Variants in NWD2 observed in about 807,000 individuals in gnomAD.
NWD2 encodes NACHT and WD repeat domain-containing protein 2.
Under a neutral mutation model 132.7 loss-of-function variants are expected in NWD2, and 37 were observed. That is an observed-to-expected ratio of 0.28 (90% CI 0.21 to 0.37). The LOEUF (loss-of-function observed/expected upper bound fraction) is 0.37, where lower values mean the gene tolerates loss of function less well. Among genes scored for constraint, NWD2 ranks in the 10% least tolerant of loss-of-function variants. The pLI is 1.00. For missense variants in NWD2, 1,592 were observed against 2,122.4 expected (o/e 0.75, Z 4.91); for synonymous variants, 705 against 803.0 (o/e 0.88, Z 2.06).
chr4:37,367,085 T>C (rs1330569304), intron 3 of NWD2, among the ~76,000 whole-genome samples: 1 of 152,142 alleles, frequency 6.6e-6, no homozygotes, highest in Non-Finnish European at 1.5e-5. Flanking sequence ...ATATGATGGG[T>C]AACAACACAA....
intron 1 of NWD2, among the ~76,000 whole-genome samples, chr4:37,292,924 G>A (rs904034860): frequency 1.3e-5 from 2 of 152,190 alleles, no homozygotes; most frequent in African/African-American, 4.8e-5. Flanking sequence ...CTCACCTCCT[G>A]CTGTGCAGCC....
chr4:37,404,440 G>A (rs899136286), intron 3 of NWD2, among the ~76,000 whole-genome samples: 1 of 152,068 alleles, frequency 6.6e-6, no homozygotes, highest in Non-Finnish European at 1.5e-5. Flanking sequence ...TTTTTATCCA[G>A]TGGAGGCCAG....
chr4:37,284,545 G>C (rs187691114), intron 1 of NWD2, among the ~76,000 whole-genome samples: 38 of 152,294 alleles, frequency 2.5e-4, no homozygotes, highest in African/African-American at 8.7e-4. Context: ...CAGAGCCCTG[G>C]ATCTCCAGTA....
chr4:37,339,356 G>C (rs1355524504), intron 2 of NWD2, among the ~76,000 whole-genome samples: 1 of 152,196 alleles, frequency 6.6e-6, no homozygotes, highest in African/African-American at 2.4e-5. Context: ...TCTCATGCCA[G>C]ACTTCTCAAG....
intron 1 of NWD2, among the ~76,000 whole-genome samples, chr4:37,269,630 C>G (rs1294264479): frequency 6.6e-6 from 1 of 151,872 alleles, no homozygotes; most frequent in Non-Finnish European, 1.5e-5. Flanking sequence ...TGCCACTCAG[C>G]ATAAGGTTTT....
At chr4:37,325,009 A>G (rs1331038719) in intron 1 of NWD2, among the ~76,000 whole-genome samples, 3 of 152,230 alleles carry the variant, frequency 2.0e-5, no homozygotes, top group Non-Finnish European at 4.4e-5. Context: ...GGTACTTTTC[A>G]TAAGATTACA....
intron 5 of NWD2, among the ~76,000 whole-genome samples, chr4:37,435,546 C>T (rs755064668): frequency 1.3e-5 from 2 of 152,068 alleles, no homozygotes; most frequent in African/African-American, 2.4e-5. Flanking sequence ...TTATCAAAGA[C>T]AGAACAACCC....
intron 1 of NWD2, among the ~76,000 whole-genome samples, chr4:37,250,948 G>T (rs1056196237): frequency 7.2e-5 from 11 of 152,212 alleles, no homozygotes; most frequent in African/African-American, 2.4e-4. Context: ...AGAAGGGTAA[G>T]TATTTGTGTA....
intron 3 of NWD2, among the ~76,000 whole-genome samples, chr4:37,418,685 A>G (rs1711705677): frequency 6.6e-6 from 1 of 151,990 alleles, no homozygotes; most frequent in Non-Finnish European, 1.5e-5. Context: ...AAATCCCATA[A>G]TGGGATTGCT....
At chr4:37,388,712 A>AAT (rs1328171959) in intron 3 of NWD2, among the ~76,000 whole-genome samples, 1 of 112,976 alleles carries the variant, frequency 8.9e-6, no homozygotes, top group Non-Finnish European at 1.8e-5. Context: ...ATGATATATA[A>AAT]ATATATATAT....
chr4:37,343,224 G>T (rs974373589), intron 2 of NWD2, among the ~76,000 whole-genome samples: 1 of 152,062 alleles, frequency 6.6e-6, no homozygotes. Context: ...TCTAGAAATG[G>T]GACATAAATA....
intron 1 of NWD2, 104 bp downstream of exon 1, chr4:37,245,322 C>A: frequency 7.7e-7 from 1 of 1,303,998 alleles, no homozygotes; most frequent in Non-Finnish European, 1.0e-6. Context: ...CCTGCGCTCC[C>A]TTCCTCCAGC....
chr4:37,385,244 A>G (rs1228115840), intron 3 of NWD2, among the ~76,000 whole-genome samples: 1 of 152,146 alleles, frequency 6.6e-6, no homozygotes, highest in Non-Finnish European at 1.5e-5. Flanking sequence ...TTGGGAATTT[A>G]GGGGATCAGT....
intron 1 of NWD2, among the ~76,000 whole-genome samples, chr4:37,319,879 T>G (rs1326541771): frequency 6.6e-6 from 1 of 152,188 alleles, no homozygotes; most frequent in Non-Finnish European, 1.5e-5. Context: ...TACTGTAGCC[T>G]TATAGTATAG....
At chr4:37,361,195 CA>C (rs995493310) in intron 3 of NWD2, among the ~76,000 whole-genome samples, 3 of 151,784 alleles carry the variant, frequency 2.0e-5, no homozygotes, top group African/African-American at 7.3e-5. Context: ...ACCTACCAAC[CA>C]AAAAAAGCCC....
At chr4:37,422,275 C>T (rs535347666) in intron 3 of NWD2, among the ~76,000 whole-genome samples, 7 of 152,252 alleles carry the variant, frequency 4.6e-5, no homozygotes, top group South Asian at 2.1e-4. Flanking sequence ...TGTGGGTTGC[C>T]GCCTGCCCTT....
intron 3 of NWD2, among the ~76,000 whole-genome samples, chr4:37,382,520 T>G (rs984497124): frequency 8.5e-5 from 13 of 152,048 alleles, no homozygotes. Flanking sequence ...AGCATCAAAT[T>G]TTATTTGAGA....
intron 3 of NWD2, among the ~76,000 whole-genome samples, chr4:37,387,465 T>C (rs1443837694): frequency 6.6e-6 from 1 of 152,010 alleles, no homozygotes; most frequent in Non-Finnish European, 1.5e-5. Context: ...CTAAGCTTCC[T>C]GGTTCATTCC....
At chr4:37,355,607 C>CTTTA (rs1366638640) in intron 2 of NWD2, among the ~76,000 whole-genome samples, 2 of 152,172 alleles carry the variant, frequency 1.3e-5, no homozygotes, top group Admixed American at 6.5e-5. Context: ...GGAACATTTA[C>CTTTA]TTTATGCAGA....
Sources: allele counts gnomAD v4.1 joint callset (sites outside exome capture counted in the v4.1 genomes callset), GRCh38; gene constraint gnomAD v4.1.1; transcripts MANE v1.5; gene names NCBI Gene and HGNC (gene_info 2026-07-23, HGNC 2026-07-21).